Variants in TACC1 observed in about 807,000 individuals in gnomAD.
TACC1 encodes the protein transforming acidic coiled-coil-containing protein 1.
TACC1 carries 48 observed loss-of-function variants against 84.4 expected under a neutral mutation model. The ratio of observed to expected loss-of-function variants is 0.57; its 90% confidence interval spans 0.45 to 0.72. The LOEUF is 0.72. Among genes scored for constraint, TACC1 ranks in the 30% least tolerant of loss-of-function variants. The pLI, the probability that TACC1 is intolerant of heterozygous loss-of-function variation, is 0.00. For synonymous variants in TACC1, 372 were observed against 376.3 expected, an observed-to-expected ratio of 0.99 and a Z score of 0.13; for missense variants, 920 against 973.0, an observed-to-expected ratio of 0.95 and a Z score of 0.72.
chr8:38,807,543 A>G (rs1237186382), intron 2 of TACC1, among the ~76,000 whole-genome samples: 1 of 152,244 alleles, frequency 6.6e-6, no homozygotes, highest in African/African-American at 2.4e-5. Context: ...AAAGTCAAGC[A>G]TAGCTGAGAA....
intron 3 of TACC1, among the ~76,000 whole-genome samples, chr8:38,821,261 T>C (rs537032482): frequency 1.1e-4 from 17 of 151,874 alleles, no homozygotes; most frequent in Admixed American, 7.9e-4. Context: ...TTTTCAGAAA[T>C]CCTGGCTGGA....
chr8:38,843,540 A>C, intron 11 of TACC1, 145 bp downstream of exon 11: 1 of 509,018 alleles, frequency 2.0e-6, no homozygotes, highest in Non-Finnish European at 3.3e-6. Flanking sequence ...CCCATTGTTA[A>C]AACATTAAAA....
At chr8:38,842,797 T>C (rs565802204) in intron 10 of TACC1, among the ~76,000 whole-genome samples, 1 of 152,316 alleles carries the variant, frequency 6.6e-6, no homozygotes, top group South Asian at 2.1e-4. Flanking sequence ...TTTTCAGTTT[T>C]AGTAAAAGGG....
intron 1 of TACC1, chr8:38,728,815 A>ATAAG (rs1283953074): frequency 1.3e-5 from 2 of 152,276 alleles, no homozygotes; most frequent in African/African-American, 4.8e-5. Flanking sequence ...CGAATCTGGA[A>ATAAG]TAAGTTCAGG....
upstream of TACC1, among the ~76,000 whole-genome samples, chr8:38,783,076 ATC>A (rs1563439806): frequency 1.3e-3 from 123 of 96,040 alleles, no homozygotes; most frequent in African/African-American, 6.0e-3. Context: ...ATATCTATCT[ATC>A]TATCTATCTA....
chr8:38,752,909 T>C (rs535212092), intron 3 of TACC1, among the ~76,000 whole-genome samples: 3 of 152,098 alleles, frequency 2.0e-5, no homozygotes, highest in Non-Finnish European at 4.4e-5. Context: ...TTACGAAATT[T>C]CTCAGTCACT....
chr8:38,766,564 T>C (rs934766207), intron 3 of TACC1, among the ~76,000 whole-genome samples: 1 of 152,232 alleles, frequency 6.6e-6, no homozygotes, highest in Non-Finnish European at 1.5e-5. Flanking sequence ...TGTACAGCAA[T>C]AGTTCTGAAA....
chr8:38,804,844 C>T (rs1206936006), intron 2 of TACC1, among the ~76,000 whole-genome samples: 1 of 152,126 alleles, frequency 6.6e-6, no homozygotes, highest in Non-Finnish European at 1.5e-5. Context: ...CCCAAGTGAT[C>T]CCCCCTACTT....
At chr8:38,749,711 C>T (rs759789406) in intron 3 of TACC1, among the ~76,000 whole-genome samples, 10 of 152,098 alleles carry the variant, frequency 6.6e-5, no homozygotes, top group South Asian at 6.2e-4. Context: ...CCTGCCTCAG[C>T]CTCCTGAGTA....
exon 3 of TACC1, chr8:38,745,390 C>T: frequency 3.2e-6 from 2 of 620,976 alleles, no homozygotes; most frequent in Non-Finnish European, 5.7e-6. Flanking sequence ...GATTGAAACC[C>T]AAATTATGGG....
chr8:38,773,019 G>A (rs1263677634), intron 3 of TACC1, among the ~76,000 whole-genome samples: 1 of 152,064 alleles, frequency 6.6e-6, no homozygotes, highest in Non-Finnish European at 1.5e-5. Flanking sequence ...TCTAGCAAAA[G>A]ACAAAACGTA....
intron 3 of TACC1, among the ~76,000 whole-genome samples, chr8:38,771,438 C>G (rs1367782235): frequency 6.6e-6 from 1 of 152,044 alleles, no homozygotes; most frequent in Non-Finnish European, 1.5e-5. Context: ...ATATTGTGGA[C>G]AAAAGGGAAT....
At chr8:38,815,426 TG>T (rs1292159512) in intron 2 of TACC1, among the ~76,000 whole-genome samples, 6 of 152,162 alleles carry the variant, frequency 3.9e-5, no homozygotes, top group African/African-American at 1.2e-4. Context: ...TTTGTTTGTT[TG>T]TTTGTTTTTG....
chr8:38,847,286 A>C (rs192834072), intron 12 of TACC1, among the ~76,000 whole-genome samples: 1 of 152,312 alleles, frequency 6.6e-6, no homozygotes, highest in African/African-American at 2.4e-5. Context: ...TATCTAGTGC[A>C]GGAAGCCAGG....
intron 2 of TACC1, among the ~76,000 whole-genome samples, chr8:38,808,681 G>A (rs113382511): frequency 0.024 from 3,610 of 152,324 alleles, 130 homozygotes; most frequent in African/African-American, 0.075. Flanking sequence ...CTCCCAAAGT[G>A]TTGGGATTAC....
At position 38,767,750 on chromosome 8, in the gene TACC1, T is replaced by C. The variant is rs537259191; in HGVS notation, c.27-20954T>C. Among the ~76,000 whole-genome samples, 164 of 152,162 alleles carry C rather than the reference T, an allele frequency of 1.1e-3. 3 individuals are homozygous for C. Among genetic ancestry groups the C allele is most frequent in the South Asian group, 7.7e-3 (37 of 4,818 alleles). ...AGAGGGCCATTCAGATACTAATTTATAGTACCCGTAGGATAAAAGAAAATA... is the reference window on the plus strand; with the variant it reads ...AGAGGGCCATTCAGATACTAATTTACAGTACCCGTAGGATAAAAGAAAATA... On this transcript the variant is annotated intron_variant, in intron 3 of 14. Coordinates refer to the TACC1 transcript ENST00000518415.
At chr8:38,837,893 G>C (rs181319485) in intron 7 of TACC1, among the ~76,000 whole-genome samples, 54 of 152,348 alleles carry the variant, frequency 3.5e-4, no homozygotes, top group Non-Finnish European at 6.3e-4. Context: ...ATGAGCCTAG[G>C]TTCCAGGCTA....
intron 3 of TACC1, among the ~76,000 whole-genome samples, chr8:38,767,508 C>T (rs1397779480): frequency 6.6e-6 from 1 of 152,202 alleles, no homozygotes; most frequent in Non-Finnish European, 1.5e-5. Flanking sequence ...TCAGGAATAG[C>T]TGGCAATAAT....
At chr8:38,752,855 G>A (rs1809296013) in intron 3 of TACC1, among the ~76,000 whole-genome samples, 2 of 151,988 alleles carry the variant, frequency 1.3e-5, no homozygotes, top group South Asian at 4.1e-4. Flanking sequence ...TCTGCTTGAA[G>A]GAAAACTCAG....
Sources: gnomAD v4.1 joint callset for allele counts (sites outside exome capture counted in the v4.1 genomes callset) on GRCh38, gnomAD v4.1.1 for gene constraint, MANE v1.5 for transcripts, NCBI Gene and HGNC (gene_info 2026-07-23, HGNC 2026-07-21) for gene names.